COL12A1: variants seen among roughly 807,000 people sequenced by gnomAD.
The protein encoded by COL12A1 is collagen type XII alpha 1 chain.
Under a neutral mutation model 349.7 loss-of-function variants are expected in COL12A1, and 114 were observed. That is an observed-to-expected ratio of 0.33 (90% CI 0.28 to 0.38). The LOEUF (loss-of-function observed/expected upper bound fraction) is 0.38. Among genes scored for constraint, COL12A1 ranks in the 10% least tolerant of loss-of-function variants. The pLI is 1.00. For missense variants in COL12A1, 3,284 were observed against 3,756.9 expected, an observed-to-expected ratio of 0.87 and a Z score of 3.29; for synonymous variants, 1,369 against 1,329.0, an observed-to-expected ratio of 1.03 and a Z score of -0.66.
At chr6:75,175,732 A>T (rs547667833) in intron 12 of COL12A1, among the ~76,000 whole-genome samples, 4 of 152,198 alleles carry the variant, frequency 2.6e-5, no homozygotes, top group African/African-American at 9.7e-5. Context: ...ATGAACATCT[A>T]AAGGTAACAG....
Position 75,168,939 on chromosome 6 carries a change from C to T in COL12A1, c.2711-3160G>A, listed in dbSNP as rs1009392266. On this transcript the variant is annotated intron_variant, in intron 13 of 65. Transcript: ENST00000322507. ...TTTTGTGTGGTTATATTGCCATGTACAGAAAATCACTGCTTTAGGCGGCAA... is the reference window on the plus strand; with the variant it reads ...TTTTGTGTGGTTATATTGCCATGTATAGAAAATCACTGCTTTAGGCGGCAA... Among the ~76,000 whole-genome samples, 3 of 152,154 alleles carry T rather than the reference C, an allele frequency of 2.0e-5. No individual in the cohort carries two copies. In the East Asian group the frequency reaches 5.8e-4, roughly 29 times the overall value.
intron 2 of COL12A1, among the ~76,000 whole-genome samples, chr6:75,196,882 T>C (rs1287114243): frequency 6.6e-6 from 1 of 152,192 alleles, no homozygotes; most frequent in East Asian, 1.9e-4. Context: ...GCCCCCCTTG[T>C]TGATATCCAA....
chr6:75,133,396 A>T lies in COL12A1; in HGVS notation c.5691T>A (p.Tyr1897Ter). The change falls in exon 34 of 66, where the codon TAT (tyrosine) becomes TAA (stop). Residue 1897 changes from tyrosine to a stop codon, truncating the protein, a stop_gained. Transcript: ENST00000322507. LOFTEE classifies it high-confidence loss of function. ...CTGGCTGCAGATTCCTAAGAATGGC[A>T]TAATTGGTATTCCCGGGGATTGGTA... The part of the protein sequence containing the change: ...ELVPIPGNTN[Y>*]AILRNLQPDT... 1 of 1,612,510 alleles carries T rather than the reference A, an allele frequency of 6.2e-7. No individual in the cohort carries two copies. Among genetic ancestry groups the T allele is most frequent in the Non-Finnish European group, 8.5e-7 (1 of 1,179,368 alleles).
Position 75,097,248 on chromosome 6 carries a change from C to G in COL12A1, c.8577+5G>C. The G allele has an allele frequency of 6.2e-7, 1 of 1,613,488 alleles. No homozygotes were observed. Among genetic ancestry groups the G allele is most frequent in the Non-Finnish European group, 8.5e-7 (1 of 1,179,606 alleles). On this transcript the variant is annotated splice_donor_5th_base_variant and intron_variant, in intron 59 of 65. Coordinates refer to ENST00000322507, the MANE Select transcript of COL12A1 (RefSeq NM_004370.6). Reference sequence around the variant, plus strand: ...GCACAAAAATGAGACACATTTAGTTCTTACCGGCGGCCCTGGTGGGCCCCT... The same window carrying G: ...GCACAAAAATGAGACACATTTAGTTGTTACCGGCGGCCCTGGTGGGCCCCT...
At chr6:75,200,514 A>G (rs1458194165) in intron 2 of COL12A1, among the ~76,000 whole-genome samples, 1 of 152,198 alleles carries the variant, frequency 6.6e-6, no homozygotes, top group Non-Finnish European at 1.5e-5. Flanking sequence ...CGGAGGCTGC[A>G]GTGAGCCGAG....
At chr6:75,109,810 A>T (rs961451002) in intron 51 of COL12A1, among the ~76,000 whole-genome samples, 1 of 152,122 alleles carries the variant, frequency 6.6e-6, no homozygotes, top group Non-Finnish European at 1.5e-5. Context: ...TAGATAATTA[A>T]TAAAATGTTT....
chr6:75,161,475 G>A (rs188384150), intron 14 of COL12A1, among the ~76,000 whole-genome samples: 16 of 152,190 alleles, frequency 1.1e-4, no homozygotes, highest in Admixed American at 6.5e-4. Flanking sequence ...AGGGCCAATC[G>A]TAACCTAAAA....
Position 75,119,134 on chromosome 6 carries a change from C to A in COL12A1, c.7263G>T (p.Met2421Ile). Residue 2421 changes from methionine (M) to isoleucine (I), a missense_variant, in exon 46 of 66, where the codon ATG becomes ATT. Transcript: ENST00000322507. The stretch of plus-strand genomic sequence containing the variant: ...CCAACACCTTAGGGACATTCTTCCT[C>A]ATGCCGCTCTCCCAAGTCAAGACTT... ...KEKVLTWESG[M>I]RKNVPKVLVV... is the part of the protein sequence containing the mutation. The A allele has an allele frequency of 6.2e-7, 1 of 1,613,992 alleles. No homozygotes were observed. The highest frequency in any genetic ancestry group is 8.5e-7 in the Non-Finnish European group (1 of 1,179,926).
chr6:75,151,989 T>C lies in COL12A1; in HGVS notation c.3878A>G (p.Gln1293Arg). 2 of 1,613,894 alleles carry C rather than the reference T, an allele frequency of 1.2e-6. No homozygotes were observed. The highest frequency in any genetic ancestry group is 2.2e-5 in the East Asian group (1 of 44,880). Residue 1293 changes from glutamine (Q) to arginine (R), a missense_variant, in exon 20 of 66, where the codon CAA becomes CGA. This residue lies in a region of COL12A1 where 2,601 missense variants were observed against 2,824.8 expected (regional missense o/e 0.92). Transcript: ENST00000322507. ...NFIRQQNFRTQAGMRPRARKI... is the reference protein window; with the variant it reads ...NFIRQQNFRTRAGMRPRARKI... The stretch of plus-strand genomic sequence containing the variant: ...TCGAGCTCGAGGTCTCATGCCAGCT[T>C]GGGTCCTGAAGTTCTGTTGGCGAAT...
intron 2 of COL12A1, among the ~76,000 whole-genome samples, chr6:75,201,433 T>A (rs911905013): frequency 6.7e-6 from 1 of 150,034 alleles, no homozygotes; most frequent in Non-Finnish European, 1.5e-5. Context: ...CTTCCCCTAA[T>A]TTTTTTTTTA....
rs77074199 is a variant in COL12A1 at position 75,184,557 on chromosome 6, A to G, written c.998-413T>C. 8.0e-3 allele frequency among the ~76,000 whole-genome samples: 1,212 copies of G among 152,322 alleles called. 50 individuals carry two copies. The East Asian group carries it at 0.13, about 16-fold the overall frequency. Reference sequence around the variant, plus strand: ...TAGGGAATTTTTCTCTCTTAATAACATCATAAAAGTGTAATCTTTAAAAGA... The same window carrying G: ...TAGGGAATTTTTCTCTCTTAATAACGTCATAAAAGTGTAATCTTTAAAAGA... On this transcript the variant is annotated intron_variant, in intron 8 of 65. Coordinates refer to ENST00000322507, the MANE Select transcript of COL12A1 (RefSeq NM_004370.6).
rs199736979 is a variant in COL12A1, at chr6:75,189,685, C to T, written c.525G>A (p.Glu175=). 1.3e-4 allele frequency: 212 copies of T among 1,613,418 alleles called. No homozygotes were observed. Among genetic ancestry groups the T allele is most frequent in the Non-Finnish European group, 1.7e-4 (198 of 1,179,478 alleles). ...ATTGAACAACTCCAACTCTTGTCTT[C>T]TCTTCCCCAATGTCAAAAGCAGACA... is the stretch of plus-strand genomic sequence containing the variant. ...ALVSAFDIGE[E]KTRVGVVQYS... Residue 175 remains glutamate, a synonymous_variant, in exon 6 of 66, where the codon GAG becomes GAA. Transcript: ENST00000322507.
chr6:75,175,004 T>C (rs774844988), intron 13 of COL12A1, 34 bp downstream of exon 13: 1 of 1,608,878 alleles, frequency 6.2e-7, no homozygotes, highest in African/African-American at 1.3e-5. Context: ...CACAAACAAG[T>C]TCCTGGATTT....
intron 25 of COL12A1, 137 bp from the exon 26 acceptor site, chr6:75,143,525 T>G: frequency 2.3e-6 from 2 of 877,860 alleles, no homozygotes; most frequent in Non-Finnish European, 3.4e-6. Context: ...ATGATTATGA[T>G]GATAAAAGTA....
intron 3 of COL12A1, among the ~76,000 whole-genome samples, 195 bp from the exon 4 acceptor site, chr6:75,192,550 A>G (rs183972805): frequency 1.1e-4 from 16 of 152,206 alleles, no homozygotes; most frequent in African/African-American, 3.6e-4. Flanking sequence ...ATGGACTGGT[A>G]TTGCTTTTAT....
intron 1 of COL12A1, among the ~76,000 whole-genome samples, chr6:75,205,410 A>G (rs1198252540): frequency 6.6e-6 from 1 of 151,776 alleles, no homozygotes; most frequent in Non-Finnish European, 1.5e-5. Context: ...CCTCCCCGAC[A>G]AAGCCACAGC....
In COL12A1 at chr6:75,106,452, G is replaced by C. The variant is rs753749501; in HGVS notation, c.8145C>G (p.Thr2715=). 1.9e-6 allele frequency: 3 copies of C among 1,613,870 alleles called. No homozygotes were observed. Among genetic ancestry groups the C allele is most frequent in the East Asian group, 4.5e-5 (2 of 44,876 alleles). The change falls in exon 53 of 66, where the codon ACC becomes ACG. Residue 2715 remains threonine, a synonymous_variant. Coordinates refer to ENST00000322507, the MANE Select transcript of COL12A1 (RefSeq NM_004370.6). ...SFDIVCSPVW[T]SRDRCCDIPS... ...GAATATCACAGCATCTGTCTCTACT[G>C]GTCCACACTGGACTGCAGACAATGT...
At chr6:75,097,038 T>A (rs1440568236) in intron 59 of COL12A1, among the ~76,000 whole-genome samples, 2 of 152,260 alleles carry the variant, frequency 1.3e-5, no homozygotes, top group African/African-American at 4.8e-5. Context: ...TTTCTTTTTC[T>A]TTTTCTCAAG....
intron 59 of COL12A1, among the ~76,000 whole-genome samples, chr6:75,095,485 C>T (rs1397875292): frequency 1.3e-5 from 2 of 151,532 alleles, no homozygotes; most frequent in South Asian, 2.1e-4. Context: ...GGCGCGGTGG[C>T]GGGCGCCTGT....
Sources: allele counts gnomAD v4.1 joint callset (sites outside exome capture counted in the v4.1 genomes callset), GRCh38; gene constraint gnomAD v4.1.1; regional missense constraint gnomAD v4.1.1; transcripts MANE v1.5; gene names NCBI Gene and HGNC (gene_info 2026-07-23, HGNC 2026-07-21).